Variants in PCDH15 observed in about 807,000 individuals in gnomAD.
The protein encoded by PCDH15 is protocadherin-15.
PCDH15 carries 129 observed loss-of-function variants against 178.5 expected under a neutral mutation model. That is an observed-to-expected ratio of 0.72 (90% CI 0.63 to 0.84). PCDH15 has a LOEUF of 0.84. Among genes scored for constraint, PCDH15 ranks in the 40% least tolerant of loss-of-function variants. The pLI, the probability that PCDH15 is intolerant of heterozygous loss-of-function variation, is 0.00. For missense variants in PCDH15, 2,230 were observed against 2,099.9 expected, an observed-to-expected ratio of 1.06 and a Z score of -1.21; for synonymous variants, 800 against 732.0, an observed-to-expected ratio of 1.09 and a Z score of -1.50.
At chr10:54,186,021 C>T (rs186502446) in intron 11 of PCDH15, among the ~76,000 whole-genome samples, 4 of 151,988 alleles carry the variant, frequency 2.6e-5, no homozygotes, top group Admixed American at 2.0e-4. Flanking sequence ...TTCATTGCCA[C>T]CCCTGAAACA....
rs941665575 is a variant in PCDH15 at position 55,354,996 on chromosome 10, T to A, written c.-155-188345A>T. Among the ~76,000 whole-genome samples the A allele has an allele frequency of 9.9e-5, 15 of 152,010 alleles. 1 individual carries two copies. On this transcript the variant is annotated intron_variant, in intron 2 of 5. Transcript: ENST00000613346. ...TTTGATAATGTCATTTAAATGTAAT[T>A]GGAAAGGAATTAACTTTTTAAAGAC...
intron 3 of PCDH15, among the ~76,000 whole-genome samples, chr10:54,393,034 T>C (rs1192425848): frequency 6.6e-6 from 1 of 152,170 alleles, no homozygotes; most frequent in African/African-American, 2.4e-5. Flanking sequence ...TGATAACATT[T>C]TAATTAATGA....
At chr10:54,507,692 A>G (rs1324783171) in intron 3 of PCDH15, among the ~76,000 whole-genome samples, 1 of 152,008 alleles carries the variant, frequency 6.6e-6, no homozygotes, top group African/African-American at 2.4e-5. Context: ...TAAAAAGGTA[A>G]GTAAGTTTCC....
chr10:53,890,280 AG>A (rs1274752313), intron 26 of PCDH15, among the ~76,000 whole-genome samples: 2 of 152,144 alleles, frequency 1.3e-5, no homozygotes, highest in Non-Finnish European at 2.9e-5. Context: ...ACAAAAAATT[AG>A]CTAGACTTGG....
chr10:55,459,383 T>A (rs184812316), intron 2 of PCDH15, among the ~76,000 whole-genome samples: 1 of 152,164 alleles, frequency 6.6e-6, no homozygotes, highest in East Asian at 1.9e-4. Flanking sequence ...TTATCTGAAA[T>A]CCAATGGAGT....
chr10:55,302,622 A>G (rs1843314283), intron 1 of PCDH15, among the ~76,000 whole-genome samples: 3 of 152,150 alleles, frequency 2.0e-5, no homozygotes, highest in African/African-American at 7.2e-5. Context: ...AAATTAAGGA[A>G]GTTAACCTCC....
intron 2 of PCDH15, among the ~76,000 whole-genome samples, chr10:54,955,703 A>G (rs1429358457): frequency 6.6e-6 from 1 of 151,320 alleles, no homozygotes; most frequent in African/African-American, 2.4e-5. Context: ...TCAATTACCA[A>G]ATAAAATGAT....
intron 21 of PCDH15, among the ~76,000 whole-genome samples, chr10:53,985,631 AAC>A (rs2091042700): frequency 6.6e-6 from 1 of 152,042 alleles, no homozygotes; most frequent in African/African-American, 2.4e-5. Flanking sequence ...TTAGATTATA[AAC>A]ACACCCCGAG....
intron 24 of PCDH15, among the ~76,000 whole-genome samples, chr10:53,940,488 T>C (rs993690716): frequency 6.6e-6 from 1 of 152,066 alleles, no homozygotes; most frequent in Non-Finnish European, 1.5e-5. Flanking sequence ...GGAGTAAGGG[T>C]CATGGATGGT....
intron 1 of PCDH15, among the ~76,000 whole-genome samples, chr10:54,779,815 T>A (rs1003616535): frequency 6.6e-6 from 1 of 151,998 alleles, no homozygotes; most frequent in East Asian, 1.9e-4. Flanking sequence ...CATAGACCCC[T>A]GAGGCTTTAC....
chr10:55,037,492 A>G (rs1286216564), intron 2 of PCDH15, among the ~76,000 whole-genome samples: 3 of 152,152 alleles, frequency 2.0e-5, no homozygotes, highest in South Asian at 2.1e-4. Context: ...TCGGACTCCC[A>G]AAGTGTTGAG....
At chr10:55,615,139 A>G (rs1439190856) in intron 2 of PCDH15, among the ~76,000 whole-genome samples, 2 of 152,190 alleles carry the variant, frequency 1.3e-5, no homozygotes, top group Non-Finnish European at 2.9e-5. Context: ...AATACAAATC[A>G]TAACATGAAA....
At chr10:55,277,126 T>A (rs190364922) in intron 1 of PCDH15, among the ~76,000 whole-genome samples, 14 of 152,210 alleles carry the variant, frequency 9.2e-5, no homozygotes, top group Admixed American at 7.9e-4. Context: ...ATTGAGAGTA[T>A]CTAATCTGCT....
chr10:54,368,084 C>T (rs917607288), intron 5 of PCDH15, among the ~76,000 whole-genome samples: 5 of 151,726 alleles, frequency 3.3e-5, no homozygotes, highest in Non-Finnish European at 7.4e-5. Context: ...ACCAGTAATT[C>T]GTCTTGTTAA....
intron 2 of PCDH15, among the ~76,000 whole-genome samples, chr10:55,497,916 G>A (rs1840571651): frequency 6.6e-6 from 1 of 151,840 alleles, no homozygotes; most frequent in Non-Finnish European, 1.5e-5. Flanking sequence ...CGTTCAAAAT[G>A]TATAAGATTA....
intron 2 of PCDH15, among the ~76,000 whole-genome samples, chr10:55,548,131 T>C (rs889125848): frequency 4.0e-5 from 6 of 151,092 alleles, no homozygotes; most frequent in African/African-American, 1.5e-4. Context: ...TCCACCTATT[T>C]GAGACACCTT....
At chr10:55,579,854 GT>G (rs1842572012) in intron 2 of PCDH15, among the ~76,000 whole-genome samples, 2 of 151,632 alleles carry the variant, frequency 1.3e-5, no homozygotes, top group South Asian at 4.2e-4. Flanking sequence ...TGTTGTTTTT[GT>G]TTTTTGTTTT....
chr10:53,827,256 A>G (rs1214542401), intron 32 of PCDH15, 137 bp downstream of exon 32: 8 of 1,273,024 alleles, frequency 6.3e-6, no homozygotes, highest in Non-Finnish European at 8.2e-6. Context: ...TCGTCTTAAC[A>G]AATTTTCTCT....
intron 2 of PCDH15, among the ~76,000 whole-genome samples, chr10:55,114,867 T>C (rs1379869225): frequency 6.6e-6 from 1 of 152,188 alleles, no homozygotes; most frequent in Non-Finnish European, 1.5e-5. Context: ...TCTGGGTGTC[T>C]GTCATTGCAA....
Sources: gnomAD v4.1 joint callset for allele counts (sites outside exome capture counted in the v4.1 genomes callset) on GRCh38, gnomAD v4.1.1 for gene constraint, MANE v1.5 for transcripts, NCBI Gene and HGNC (gene_info 2026-07-23, HGNC 2026-07-21) for gene names.